The following PHYKPL variants were observed in gnomAD, a reference collection of about 807,000 sequenced individuals.
The protein encoded by PHYKPL is 5-phosphonooxy-L-lysine phospho-lyase.
In PHYKPL, 42 loss-of-function variants were observed where a neutral mutation model predicts 51.3. The observed-to-expected ratio is 0.82, with a 90% confidence interval of 0.64 to 1.06. PHYKPL has a LOEUF of 1.06. Among genes scored for constraint, PHYKPL ranks in the 50% least tolerant of loss-of-function variants. The pLI is 0.00. For synonymous variants in PHYKPL, 264 were observed against 236.0 expected, an observed-to-expected ratio of 1.12 and a Z score of -1.09; for missense variants, 655 against 586.6, an observed-to-expected ratio of 1.12 and a Z score of -1.20.
chr5:178,210,849 A>AT, intron 12 of PHYKPL: 2 of 564,660 alleles, frequency 3.5e-6, no homozygotes, highest in Non-Finnish European at 6.3e-6. Flanking sequence ...TCATGGGCTG[A>AT]TTTTTATTAC....
intron 3 of PHYKPL, 61 bp downstream of exon 3, chr5:178,229,879 T>G: frequency 6.3e-7 from 1 of 1,585,920 alleles, no homozygotes; most frequent in Non-Finnish European, 8.6e-7. Context: ...TGGGCCCATG[T>G]GAGTGACTGT....
Position 178,215,422 on chromosome 5 carries a change from G to A in PHYKPL, c.936C>T (p.Gly312=). The A allele has an allele frequency of 6.2e-7, 1 of 1,609,736 alleles. No homozygotes were observed. The highest frequency in any genetic ancestry group is 1.3e-5 in the African/African-American group (1 of 74,854). The part of the protein sequence containing the change: ...TGVEYFNTFG[G]SPVSCAVGLA... ...GCCCCACAGCGCAGGACACTGGGCTGCCCCCAAACTGAGCCAGGGACAAAG... is the reference window on the plus strand; with the variant it reads ...GCCCCACAGCGCAGGACACTGGGCTACCCCCAAACTGAGCCAGGGACAAAG... The change falls in exon 9 of 13, where the codon GGC becomes GGT. Residue 312 remains glycine, a synonymous_variant. Transcript: ENST00000308158.
chr5:178,225,797 AT>A, intron 3 of PHYKPL: 1 of 282,654 alleles, frequency 3.5e-6, no homozygotes, highest in Non-Finnish European at 7.0e-6. Context: ...CAGGCAAGCA[AT>A]CAGTTCTGCA....
At chr5:178,227,679 C>T (rs1040284243) in intron 3 of PHYKPL, among the ~76,000 whole-genome samples, 5 of 152,130 alleles carry the variant, frequency 3.3e-5, no homozygotes, top group Admixed American at 3.3e-4. Context: ...CTTCTCAGTG[C>T]CATGTGAAGC....
intron 12 of PHYKPL, chr5:178,209,180 A>T (rs370145181): frequency 2.9e-6 from 2 of 697,928 alleles, no homozygotes; most frequent in African/African-American, 1.8e-5. Context: ...CATGAGCTTT[A>T]GCCCAAAGGT....
intron 12 of PHYKPL, 198 bp downstream of exon 12, chr5:178,211,692 G>A: frequency 1.7e-6 from 1 of 579,258 alleles, no homozygotes. Context: ...TTTCAAGGGA[G>A]GATATAGCTG....
intron 12 of PHYKPL, chr5:178,210,421 G>A: frequency 6.5e-7 from 1 of 1,531,442 alleles, no homozygotes; most frequent in Non-Finnish European, 8.9e-7. Flanking sequence ...TTAGACTTCG[G>A]GGTCTTAATA....
rs1274896540 is a variant in PHYKPL at position 178,214,904 on chromosome 5, A to G, written c.1083-19T>C. 4.3e-6 allele frequency: 7 copies of G among 1,611,792 alleles called. No individual in the cohort carries two copies. The highest frequency in any genetic ancestry group is 5.9e-6 in the Non-Finnish European group (7 of 1,179,060). On this transcript the variant is annotated intron_variant, in intron 9 of 12. Transcript: ENST00000308158. ...AACACCCCTGCAAGGGAAGGTGACGACATCTCAGGAGGCCAGGCCTGAGGG... is the reference window on the plus strand; with the variant it reads ...AACACCCCTGCAAGGGAAGGTGACGGCATCTCAGGAGGCCAGGCCTGAGGG...
intron 8 of PHYKPL, among the ~76,000 whole-genome samples, chr5:178,221,576 TCTTGC>T (rs939675394): frequency 7.9e-5 from 12 of 152,276 alleles, no homozygotes; most frequent in Non-Finnish European, 1.8e-4. Flanking sequence ...AAGGACATTA[TCTTGC>T]CTTATCTATC....
At chr5:178,209,155 T>C (rs984595571) in intron 12 of PHYKPL, among the ~76,000 whole-genome samples, 4 of 152,224 alleles carry the variant, frequency 2.6e-5, no homozygotes, top group Admixed American at 1.3e-4. Flanking sequence ...AGGCCTTTGG[T>C]TTTAGTTGGG....
chr5:178,230,822 C>T (rs1296957614), intron 2 of PHYKPL: 2 of 154,942 alleles, frequency 1.3e-5, no homozygotes, highest in Non-Finnish European at 2.9e-5. Context: ...CACAGATAAG[C>T]AAACTGAGGC....
chr5:178,215,264 C>G lies in PHYKPL; in HGVS notation c.1082+12G>C. 2 of 1,613,934 alleles carry G rather than the reference C, an allele frequency of 1.2e-6. No homozygotes were observed. Among genetic ancestry groups the G allele is most frequent in the Non-Finnish European group, 1.7e-6 (2 of 1,179,948 alleles). On this transcript the variant is annotated intron_variant, in intron 9 of 12. Coordinates refer to ENST00000308158, the MANE Select transcript of PHYKPL (RefSeq NM_153373.4). ...GGCAGGTGGGTGGTGACTGCTGCCC[C>G]CAGAGCCTCACCTGACATCCCCGAC...
chr5:178,225,496 G>T, intron 3 of PHYKPL, 67 bp from the exon 4 acceptor site: 1 of 1,510,948 alleles, frequency 6.6e-7, no homozygotes, highest in Non-Finnish European at 9.2e-7. Context: ...AAATGCTGAG[G>T]GCAGGAGGAC....
At position 178,222,564 on chromosome 5, in the gene PHYKPL, CG is replaced by C. The variant is rs1561717004; in HGVS notation, c.717del (p.Gly240GlufsTer16). 6.2e-7 allele frequency: 1 copy of C among 1,614,192 alleles called. No homozygotes were observed. Among genetic ancestry groups the C allele is most frequent in the South Asian group, 1.1e-5 (1 of 91,078 alleles). ...ATCTCATCTGCAACAAAGACCCCTCCGGCCTTGCGGATGTGCCTGTGGCAGA... is the reference window on the plus strand; with the variant it reads ...ATCTCATCTGCAACAAAGACCCCTCCGCCTTGCGGATGTGCCTGTGGCAGA... ...FSQVAEHIRK[A>X]GGVFVADEIQ... is the part of the protein sequence containing the mutation. On this transcript the variant is annotated frameshift_variant, in exon 8 of 13. Transcript: ENST00000308158. LOFTEE classifies it high-confidence loss of function.
At chr5:178,228,596 A>G (rs1331652149) in intron 3 of PHYKPL, 1 of 702,554 alleles carries the variant, frequency 1.4e-6, no homozygotes. Context: ...CCACCTGTAA[A>G]ATGAAGATGG....
chr5:178,213,469 G>T (rs1230362076), intron 10 of PHYKPL, among the ~76,000 whole-genome samples: 2 of 152,114 alleles, frequency 1.3e-5, no homozygotes, highest in Non-Finnish European at 2.9e-5. Flanking sequence ...CTTATATAGA[G>T]AATGTCCAAC....
intron 8 of PHYKPL, chr5:178,216,226 T>G (rs1759751702): frequency 6.6e-6 from 1 of 152,184 alleles, no homozygotes; most frequent in Non-Finnish European, 1.5e-5. Context: ...TGAAAGGCTG[T>G]GACGTACTCC....
intron 11 of PHYKPL, 39 bp downstream of exon 11, chr5:178,212,932 TGA>T: frequency 6.2e-7 from 1 of 1,607,890 alleles, no homozygotes; most frequent in Non-Finnish European, 8.5e-7. Context: ...GGCTTCAGGC[TGA>T]GTTCTAGAGA....
At chr5:178,230,199 G>C in intron 2 of PHYKPL, 100 bp from the exon 3 acceptor site, 1 of 1,453,836 alleles carries the variant, frequency 6.9e-7, no homozygotes, top group Non-Finnish European at 9.4e-7. Context: ...AAGAGATGTA[G>C]TTCTAGAGGG....
Sources: allele counts gnomAD v4.1 joint callset (sites outside exome capture counted in the v4.1 genomes callset), GRCh38; gene constraint gnomAD v4.1.1; transcripts MANE v1.5; gene names NCBI Gene and HGNC (gene_info 2026-07-23, HGNC 2026-07-21).